TNIK: variants seen among roughly 807,000 people sequenced by gnomAD.
TNIK encodes TRAF2 and NCK interacting kinase.
A neutral mutation model predicts 191.3 loss-of-function variants in TNIK; 49 were observed. The ratio of observed to expected loss-of-function variants is 0.26; its 90% CI spans 0.20 to 0.32. The LOEUF is 0.32. Among genes scored for constraint, TNIK ranks in the 10% least tolerant of loss-of-function variants. The pLI is 1.00. For synonymous variants in TNIK, 594 were observed against 600.9 expected, an observed-to-expected ratio of 0.99 and a Z score of 0.17; for missense variants, 1,155 against 1,702.3, an observed-to-expected ratio of 0.68 and a Z score of 5.66.
At position 171,128,743 on chromosome 3, in the gene TNIK, G is replaced by T. The variant is rs148174466; in HGVS notation, c.1744C>A (p.Pro582Thr). The change falls in exon 16 of 33, where the codon CCC becomes ACC. Residue 582 changes from proline to threonine, a missense_variant. This residue lies in a region of TNIK where 735 missense variants were observed against 848.0 expected (regional missense o/e 0.87). Coordinates refer to ENST00000436636, the MANE Select transcript of TNIK (RefSeq NM_015028.4). ...SISGVQPART[P>T]PMLRPVDPQI... Reference sequence around the variant, plus strand: ...GGATCGACTGGTCTGAGCATGGGGGGTGTTCGAGCAGGCTGAACTCCACTA... The same window carrying T: ...GGATCGACTGGTCTGAGCATGGGGGTTGTTCGAGCAGGCTGAACTCCACTA... The T allele has an allele frequency of 1.9e-6, 3 of 1,613,462 alleles. No homozygotes were observed. Among genetic ancestry groups the T allele is most frequent in the South Asian group, 1.1e-5 (1 of 90,968 alleles).
At chr3:171,199,569 G>A (rs558771868) in intron 4 of TNIK, among the ~76,000 whole-genome samples, 2 of 152,298 alleles carry the variant, frequency 1.3e-5, no homozygotes, top group Admixed American at 6.5e-5. Context: ...TCCTTTTTCT[G>A]TATTTGGAAA....
chr3:171,157,809 A>G (rs1442871144), intron 11 of TNIK, 145 bp from the exon 12 acceptor site: 16 of 830,212 alleles, frequency 1.9e-5, no homozygotes, highest in South Asian at 3.6e-5. Context: ...CGCTAATTCA[A>G]TCATTCACCC....
intron 2 of TNIK, among the ~76,000 whole-genome samples, chr3:171,350,894 T>C (rs966420196): frequency 4.6e-5 from 7 of 152,166 alleles, no homozygotes; most frequent in African/African-American, 1.7e-4. Flanking sequence ...CCAAACTTTA[T>C]GCTTTTAACC....
chr3:171,265,083 A>G (rs923388565), intron 2 of TNIK, among the ~76,000 whole-genome samples: 2 of 152,208 alleles, frequency 1.3e-5, no homozygotes, highest in Non-Finnish European at 2.9e-5. Context: ...CTACTAGAAG[A>G]AGGGAAAATC....
chr3:171,409,729 A>C (rs1281926195), intron 1 of TNIK, among the ~76,000 whole-genome samples: 1 of 149,906 alleles, frequency 6.7e-6, no homozygotes, highest in Non-Finnish European at 1.5e-5. Flanking sequence ...CATGGGTGTC[A>C]GAGAATCCTG....
chr3:171,095,821 T>C (rs550877686), intron 22 of TNIK, among the ~76,000 whole-genome samples: 14 of 152,292 alleles, frequency 9.2e-5, no homozygotes, highest in African/African-American at 3.4e-4. Flanking sequence ...CTAGAACTGA[T>C]GTGTTTGGGA....
chr3:171,308,279 C>T (rs1352600963), intron 2 of TNIK, among the ~76,000 whole-genome samples: 1 of 152,068 alleles, frequency 6.6e-6, no homozygotes, highest in African/African-American at 2.4e-5. Context: ...CACACGCCTA[C>T]AACCACCTGA....
chr3:171,201,035 T>G (rs1739338862), intron 4 of TNIK, among the ~76,000 whole-genome samples: 1 of 152,092 alleles, frequency 6.6e-6, no homozygotes, highest in South Asian at 2.1e-4. Flanking sequence ...CAGGAAGAGG[T>G]GCAAGCGGGA....
At chr3:171,077,806 C>T (rs1576915623) in intron 28 of TNIK, among the ~76,000 whole-genome samples, 1 of 147,712 alleles carries the variant, frequency 6.8e-6, no homozygotes, top group East Asian at 1.9e-4. Context: ...CATATATATA[C>T]ATATGTATGT....
intron 15 of TNIK, among the ~76,000 whole-genome samples, 166 bp downstream of exon 15, chr3:171,138,024 AT>A (rs1730285147): frequency 6.6e-6 from 1 of 151,840 alleles, no homozygotes; most frequent in Non-Finnish European, 1.5e-5. Context: ...GTATCTTGCC[AT>A]TTCTCTACAG....
At chr3:171,119,993 TACAG>T (rs1301077439) in intron 18 of TNIK, among the ~76,000 whole-genome samples, 1 of 152,140 alleles carries the variant, frequency 6.6e-6, no homozygotes, top group African/African-American at 2.4e-5. Context: ...GTATGGTGCA[TACAG>T]ACAGTGGAAG....
At chr3:171,439,440 T>C (rs911392696) in intron 1 of TNIK, 2 of 151,998 alleles carry the variant, frequency 1.3e-5, no homozygotes, top group African/African-American at 4.8e-5. Flanking sequence ...AGCCTCACTT[T>C]CCACATCTAT....
chr3:171,354,478 A>T (rs932509175), intron 2 of TNIK, among the ~76,000 whole-genome samples: 7 of 152,148 alleles, frequency 4.6e-5, no homozygotes, highest in Non-Finnish European at 8.8e-5. Context: ...CTGACACAAG[A>T]CTAAAGCCTA....
At chr3:171,219,618 G>A (rs142373347) in intron 3 of TNIK, among the ~76,000 whole-genome samples, 13 of 152,202 alleles carry the variant, frequency 8.5e-5, no homozygotes, top group African/African-American at 3.1e-4. Flanking sequence ...AGACATTTAT[G>A]CAACCAACAG....
At chr3:171,262,934 C>G (rs1351245920) in intron 2 of TNIK, among the ~76,000 whole-genome samples, 1 of 152,110 alleles carries the variant, frequency 6.6e-6, no homozygotes, top group Non-Finnish European at 1.5e-5. Flanking sequence ...AAAATTTTCC[C>G]TTCTGATGAA....
At chr3:171,377,104 A>G (rs983607201) in intron 1 of TNIK, among the ~76,000 whole-genome samples, 23 of 152,218 alleles carry the variant, frequency 1.5e-4, no homozygotes, top group African/African-American at 5.1e-4. Flanking sequence ...TCCTGAGTGT[A>G]GGCTGATTCC....
rs375094409 is a variant in TNIK, at chr3:171,377,106, G to A, written c.58-7421C>T. 1.7e-4 allele frequency among the ~76,000 whole-genome samples: 26 copies of A among 152,284 alleles called. 1 individual carries two copies. The highest frequency in any genetic ancestry group is 6.3e-4 in the African/African-American group (26 of 41,564). On this transcript the variant is annotated intron_variant, in intron 1 of 32. Coordinates refer to ENST00000436636, the MANE Select transcript of TNIK (RefSeq NM_015028.4). ...TTGGGAAGGGCTGTCCTGAGTGTAG[G>A]CTGATTCCAGGACACAAACTGCTCC...
chr3:171,088,231 G>GTTTTTTTTTT, intron 23 of TNIK, among the ~76,000 whole-genome samples: 1 of 142,788 alleles, frequency 7.0e-6, no homozygotes, highest in African/African-American at 2.7e-5. Flanking sequence ...TCCTTTAAAG[G>GTTTTTTTTTT]TTTTTCTTTT....
intron 2 of TNIK, among the ~76,000 whole-genome samples, chr3:171,294,900 A>G (rs1355342033): frequency 6.6e-6 from 1 of 151,990 alleles, no homozygotes; most frequent in African/African-American, 2.4e-5. Context: ...GGGTGTTTCT[A>G]GTTTGTGGTA....
Sources: allele counts gnomAD v4.1 joint callset (sites outside exome capture counted in the v4.1 genomes callset), GRCh38; gene constraint gnomAD v4.1.1; regional missense constraint gnomAD v4.1.1; transcripts MANE v1.5; gene names NCBI Gene and HGNC (gene_info 2026-07-23, HGNC 2026-07-21).